C20orf96: variants seen among roughly 807,000 people sequenced by gnomAD.
C20orf96 encodes chromosome 20 open reading frame 96, also known as uncharacterized protein C20orf96.
A neutral mutation model predicts 52.6 loss-of-function variants in C20orf96; 57 were observed. The observed-to-expected ratio is 1.08, with a 90% CI of 0.88 to 1.35. C20orf96 has a LOEUF of 1.35. C20orf96 is among the 40% of genes most tolerant of loss of function. C20orf96 has a pLI of 0.00. For synonymous variants in C20orf96, 168 were observed against 157.2 expected, an observed-to-expected ratio of 1.07 and a Z score of -0.51; for missense variants, 478 against 443.6, an observed-to-expected ratio of 1.08 and a Z score of -0.70.
intron 6 of C20orf96, among the ~76,000 whole-genome samples, chr20:277,882 C>T (rs1366637847): frequency 1.3e-5 from 2 of 152,194 alleles, no homozygotes; most frequent in African/African-American, 4.8e-5. Flanking sequence ...GGAAAAGGAA[C>T]CACAGGCCAG....
intron 3 of C20orf96, among the ~76,000 whole-genome samples, chr20:286,230 G>A (rs569971255): frequency 4.6e-5 from 7 of 152,180 alleles, no homozygotes; most frequent in South Asian, 2.1e-4. Flanking sequence ...GAAATAATAC[G>A]GAGGGGCTGG....
At chr20:280,179 A>G (rs1210157446) in intron 4 of C20orf96, among the ~76,000 whole-genome samples, 1 of 151,904 alleles carries the variant, frequency 6.6e-6, no homozygotes, top group East Asian at 1.9e-4. Flanking sequence ...CTAAGGTTAC[A>G]CCCAGCAGGT....
At chr20:288,485 G>A (rs1164378387) in intron 3 of C20orf96, among the ~76,000 whole-genome samples, 1 of 152,130 alleles carries the variant, frequency 6.6e-6, no homozygotes, top group Non-Finnish European at 1.5e-5. Context: ...CTAGGGTAGT[G>A]TCAACAGAGT....
chr20:284,932 G>A (rs1309859999), intron 3 of C20orf96, among the ~76,000 whole-genome samples: 1 of 152,190 alleles, frequency 6.6e-6, no homozygotes, highest in African/African-American at 2.4e-5. Context: ...CCTTGAGCAA[G>A]TCAAATGACC....
chr20:273,124 GCCA>G (rs1197196509), intron 10 of C20orf96, among the ~76,000 whole-genome samples: 4 of 152,118 alleles, frequency 2.6e-5, no homozygotes, highest in Admixed American at 2.6e-4. Context: ...ACAGGCGCAC[GCCA>G]CCACGCCTGG....
chr20:283,755 C>CT (rs2012310201), intron 4 of C20orf96, among the ~76,000 whole-genome samples: 1 of 152,152 alleles, frequency 6.6e-6, no homozygotes, highest in South Asian at 2.1e-4. Context: ...CATTTCCTGG[C>CT]TGTGTGACCT....
In C20orf96 at chr20:277,269, G is replaced by A; in HGVS notation, c.680C>T (p.Ser227Phe). 1.2e-6 allele frequency: 2 copies of A among 1,613,812 alleles called. No homozygotes were observed. The highest frequency in any genetic ancestry group is 1.7e-6 in the Non-Finnish European group (2 of 1,179,934). Residue 227 changes from serine (S) to phenylalanine (F), a missense_variant, in exon 7 of 11, where the codon TCC (serine) becomes TTC (phenylalanine). Ser to Phe is a radical substitution (Grantham distance 155). Coordinates refer to ENST00000360321, the MANE Select transcript of C20orf96 (RefSeq NM_153269.3). ...HEYSIKSVQISTLMRQLQQVK... is the reference protein window; with the variant it reads ...HEYSIKSVQIFTLMRQLQQVK... ...CTGCTGCAGCTGGCGCATAAGAGTG[G>A]AGATCTGGACAGACTTGATGGAATA...
At chr20:286,856 C>T (rs955261291) in intron 3 of C20orf96, among the ~76,000 whole-genome samples, 4 of 152,208 alleles carry the variant, frequency 2.6e-5, no homozygotes, top group Non-Finnish European at 4.4e-5. Flanking sequence ...CACTAATCTG[C>T]TCTCCATTTC....
intron 4 of C20orf96, among the ~76,000 whole-genome samples, chr20:283,189 A>G (rs1010733735): frequency 3.9e-5 from 6 of 152,234 alleles, no homozygotes; most frequent in Non-Finnish European, 8.8e-5. Context: ...CAGAAGCCAT[A>G]AAACAATGTA....
rs71327437 is a variant in C20orf96 at position 287,908 on chromosome 20, C to CAAAAAAAAAAAAAAAA, written c.187+1635_187+1650dup. 4.0e-3 allele frequency among the ~76,000 whole-genome samples: 249 copies of CAAAAAAAAAAAAAAAA among 63,034 alleles called. 8 individuals are homozygous for CAAAAAAAAAAAAAAAA. Among genetic ancestry groups the CAAAAAAAAAAAAAAAA allele is most frequent in the African/African-American group, 0.013 (234 of 17,370 alleles). The allele number at this position is 63,034 out of a possible 152,430, so 41.4% of individuals were successfully genotyped here. On this transcript the variant is annotated intron_variant, in intron 3 of 10. Transcript: ENST00000360321. ...TGAGCAACAAAGCGAGACTCCTTCTCAAAAAAAAAAAAAAAAAAAAAAGTC... is the reference window on the plus strand; with the variant it reads ...TGAGCAACAAAGCGAGACTCCTTCTCAAAAAAAAAAAAAAAAAAAAAAAAAAAAAAAAAAAAAAGTC...
chr20:284,209 T>G (rs544119664), intron 3 of C20orf96, 128 bp from the exon 4 acceptor site: 2 of 686,096 alleles, frequency 2.9e-6, no homozygotes, highest in East Asian at 5.1e-5. Context: ...TGCCTTATAA[T>G]GTGACACTAG....
At chr20:278,743 G>C (rs557093274) in intron 5 of C20orf96, among the ~76,000 whole-genome samples, 1 of 149,736 alleles carries the variant, frequency 6.7e-6, no homozygotes, top group East Asian at 2.0e-4. Context: ...ATTTCACAGA[G>C]CTCGGGGAGG....
chr20:276,885 G>A lies in C20orf96; in HGVS notation c.826-6C>T. 6.2e-7 allele frequency: 1 copy of A among 1,613,984 alleles called. No homozygotes were observed. The highest frequency in any genetic ancestry group is 8.5e-7 in the Non-Finnish European group (1 of 1,179,916). The stretch of plus-strand genomic sequence containing the variant: ...TCATAGGGACGCTGGGTTTCCTGTG[G>A]AGGAAGAAGAGGTCTGGCCCCCAGG... On this transcript the variant is annotated splice_polypyrimidine_tract_variant and splice_region_variant and intron_variant, in intron 8 of 10. Transcript: ENST00000360321.
intron 9 of C20orf96, chr20:276,476 G>A (rs2012026958): frequency 1.0e-6 from 1 of 985,290 alleles, no homozygotes; most frequent in Non-Finnish European, 1.2e-6. Context: ...ACTGATAATG[G>A]GTGGTGGGCA....
intron 5 of C20orf96, among the ~76,000 whole-genome samples, chr20:278,782 T>A (rs1270323517): frequency 6.8e-6 from 1 of 146,422 alleles, no homozygotes; most frequent in African/African-American, 2.6e-5. Context: ...TCCCGGCCAG[T>A]GAGTGCTGGC....
chr20:283,379 C>G (rs1393506151), intron 4 of C20orf96, among the ~76,000 whole-genome samples: 1 of 152,060 alleles, frequency 6.6e-6, no homozygotes, highest in Non-Finnish European at 1.5e-5. Context: ...TCTCAGCTCA[C>G]TGCAACCTCT....
At chr20:281,911 G>A (rs78783667) in intron 4 of C20orf96, among the ~76,000 whole-genome samples, 8,743 of 152,260 alleles carry the variant, frequency 0.057, 377 homozygotes, top group Admixed American at 0.14. Flanking sequence ...AGGCTGCAGT[G>A]AGCCATGATC....
chr20:284,626 C>G (rs574251053), intron 3 of C20orf96, among the ~76,000 whole-genome samples: 1 of 152,222 alleles, frequency 6.6e-6, no homozygotes, highest in Non-Finnish European at 1.5e-5. Context: ...GAGGCCAAGG[C>G]GGGCGGATCA....
rs1178148065 is a variant in C20orf96, at chr20:281,546, C to A, written c.307-2216G>T. 2.0e-5 allele frequency among the ~76,000 whole-genome samples: 3 copies of A among 152,318 alleles called. No individual in the cohort carries two copies. In the East Asian group the frequency reaches 5.8e-4, roughly 29 times the overall value. ...TTCCTAGCCCTCAGCTCCTTTATTT[C>A]TCATATAACAGTAATCATGCTGATG... is the stretch of plus-strand genomic sequence containing the variant. On this transcript the variant is annotated intron_variant, in intron 4 of 10. Coordinates refer to ENST00000360321, the MANE Select transcript of C20orf96 (RefSeq NM_153269.3).
Sources: allele counts gnomAD v4.1 joint callset (sites outside exome capture counted in the v4.1 genomes callset), GRCh38; gene constraint gnomAD v4.1.1; transcripts MANE v1.5; gene names NCBI Gene and HGNC (gene_info 2026-07-23, HGNC 2026-07-21).